Variants in NEBL observed in about 807,000 individuals in gnomAD.
NEBL encodes nebulette, also known as LIM and SH3 protein 2.
A neutral mutation model predicts 140.2 loss-of-function variants in NEBL; 122 were observed. The ratio of observed to expected loss-of-function variants is 0.87; its 90% CI spans 0.75 to 1.01. The LOEUF (loss-of-function observed/expected upper bound fraction) is 1.01, where lower values mean the gene tolerates loss of function less well. NEBL is among the 50% of genes least tolerant of loss of function. The pLI is 0.00. For synonymous variants in NEBL, 436 were observed against 398.9 expected, an observed-to-expected ratio of 1.09 and a Z score of -1.11; for missense variants, 1,365 against 1,231.3, an observed-to-expected ratio of 1.11 and a Z score of -1.62.
At chr10:20,950,187 T>C (rs937909221) in intron 4 of NEBL, among the ~76,000 whole-genome samples, 7 of 152,234 alleles carry the variant, frequency 4.6e-5, no homozygotes, top group Non-Finnish European at 7.3e-5. Context: ...TCATCTGTGC[T>C]TTATTCCTCA....
intron 2 of NEBL, chr10:21,030,796 T>C (rs1328420590): frequency 1.1e-5 from 4 of 373,498 alleles, no homozygotes; most frequent in Non-Finnish European, 2.1e-5. Flanking sequence ...TGAGCCAATA[T>C]GTGAAATACG....
intron 2 of NEBL, among the ~76,000 whole-genome samples, chr10:21,144,116 G>A (rs1280959779): frequency 6.6e-6 from 1 of 152,230 alleles, no homozygotes; most frequent in African/African-American, 2.4e-5. Flanking sequence ...TGTGCCCTTG[G>A]AGGGCAGAAA....
chr10:21,286,704 G>A (rs1301516508), intron 1 of NEBL, among the ~76,000 whole-genome samples: 1 of 152,112 alleles, frequency 6.6e-6, no homozygotes, highest in Non-Finnish European at 1.5e-5. Flanking sequence ...CGTGGTGGTG[G>A]GCACCTGTAG....
chr10:20,813,990 T>TA lies in NEBL; in HGVS notation c.2294dup (p.Leu765PhefsTer10). 6.2e-7 allele frequency: 1 copy of TA among 1,611,664 alleles called. No individual in the cohort carries two copies. The highest frequency in any genetic ancestry group is 8.5e-7 in the Non-Finnish European group (1 of 1,177,778). On this transcript the variant is annotated frameshift_variant, in exon 23 of 28. Transcript: ENST00000377122. LOFTEE classifies it high-confidence loss of function. ...TAACATGTCTCATAGCAGGTGTATC[T>TA]AAAATCAGACTTGGTCTACCTTTCA... is the stretch of plus-strand genomic sequence containing the variant.
At chr10:21,153,065 A>G (rs536779718) in intron 2 of NEBL, among the ~76,000 whole-genome samples, 5 of 152,346 alleles carry the variant, frequency 3.3e-5, no homozygotes, top group Admixed American at 1.3e-4. Context: ...CGAGCCTTCT[A>G]GCTCACAAAT....
exon 1 of NEBL, chr10:21,174,180 C>A: frequency 2.7e-6 from 1 of 373,800 alleles, no homozygotes; most frequent in South Asian, 1.0e-4. Context: ...CCGCCGCCGC[C>A]GCGCAGGCCA....
At chr10:20,830,639 T>G (rs1840307748) in intron 16 of NEBL, among the ~76,000 whole-genome samples, 1 of 151,988 alleles carries the variant, frequency 6.6e-6, no homozygotes, top group South Asian at 2.1e-4. Context: ...ATTTTAATAT[T>G]AATATTCATT....
At chr10:20,801,246 T>G (rs1269341680) in intron 26 of NEBL, among the ~76,000 whole-genome samples, 2 of 152,040 alleles carry the variant, frequency 1.3e-5, no homozygotes, top group Non-Finnish European at 2.9e-5. Context: ...AGGGTCTTAC[T>G]CTGTCACCCA....
At chr10:20,801,326 C>T (rs531789480) in intron 26 of NEBL, among the ~76,000 whole-genome samples, 41 of 152,130 alleles carry the variant, frequency 2.7e-4, no homozygotes, top group Admixed American at 9.8e-4. Context: ...GATTCTCATG[C>T]CTCAGCCTCC....
intron 4 of NEBL, among the ~76,000 whole-genome samples, chr10:20,940,620 C>A (rs1246523302): frequency 3.5e-5 from 5 of 141,404 alleles, no homozygotes; most frequent in Non-Finnish European, 6.1e-5. Flanking sequence ...ACACAAAAAA[C>A]CCTTCAAAAA....
intron 4 of NEBL, among the ~76,000 whole-genome samples, chr10:20,956,548 A>G (rs1835813430): frequency 6.6e-6 from 1 of 152,164 alleles, no homozygotes; most frequent in Non-Finnish European, 1.5e-5. Context: ...CACTGACCTC[A>G]TAACTAATCG....
chr10:20,823,285 C>G lies in NEBL; in HGVS notation c.1885G>C (p.Glu629Gln). The G allele has an allele frequency of 1.2e-6, 2 of 1,606,512 alleles. No homozygotes were observed. The highest frequency in any genetic ancestry group is 1.7e-6 in the Non-Finnish European group (2 of 1,175,968). ...QNISSVKYKEEIKHATAISDP... is the reference protein window; with the variant it reads ...QNISSVKYKEQIKHATAISDP... The stretch of plus-strand genomic sequence containing the variant: ...GAAATGGCTGTTGCATGTTTAATCT[C>G]TTCTTTGTATTTCACCTGCATAATT... Residue 629 changes from glutamate to glutamine, a missense_variant, in exon 19 of 28, where the codon GAG (glutamate) becomes CAG (glutamine). Glu to Gln is a conservative substitution (Grantham distance 29). This residue lies in a region of NEBL where 1,323 missense variants were observed against 1,154.8 expected (regional missense o/e 1.15). Coordinates refer to ENST00000377122, the MANE Select transcript of NEBL (RefSeq NM_006393.3).
chr10:20,905,233 A>G (rs1163553267), intron 4 of NEBL, among the ~76,000 whole-genome samples: 1 of 152,188 alleles, frequency 6.6e-6, no homozygotes, highest in Admixed American at 6.5e-5. Flanking sequence ...GGAATAGGAG[A>G]TTTATATAAG....
rs1256851317 is a variant in NEBL at position 20,823,228 on chromosome 10, T to G, written c.1942A>C (p.Asn648His). 2 of 1,607,984 alleles carry G rather than the reference T, an allele frequency of 1.2e-6. No homozygotes were observed. Among genetic ancestry groups the G allele is most frequent in the Non-Finnish European group, 1.7e-6 (2 of 1,177,216 alleles). Residue 648 changes from asparagine (N) to histidine (H), a missense_variant, in exon 19 of 28, where the codon AAC becomes CAC. Asn to His is a moderately conservative substitution (Grantham distance 68). Coordinates refer to ENST00000377122, the MANE Select transcript of NEBL (RefSeq NM_006393.3). ...DPPELKRVKE[N>H]QKNISNLQYK... ...ATCACATTGCTGATGTTCTTCTGGT[T>G]TTCTTTAACTCTCTTTAGTTCTGGA...
intron 4 of NEBL, among the ~76,000 whole-genome samples, chr10:20,887,492 C>T (rs111764557): frequency 0.016 from 2,147 of 135,556 alleles, 37 homozygotes; most frequent in African/African-American, 0.059. Flanking sequence ...GATCTTGGTT[C>T]GCTGCAGCCT....
intron 4 of NEBL, among the ~76,000 whole-genome samples, chr10:20,926,978 T>G (rs185771267): frequency 1.3e-5 from 2 of 152,102 alleles, no homozygotes; most frequent in Non-Finnish European, 2.9e-5. Flanking sequence ...GGAAAAATCA[T>G]TGAACAATCA....
chr10:20,823,025 A>G (rs1839499385), intron 19 of NEBL, among the ~76,000 whole-genome samples, 183 bp downstream of exon 19: 1 of 152,204 alleles, frequency 6.6e-6, no homozygotes, highest in Non-Finnish European at 1.5e-5. Flanking sequence ...TGCTGACACA[A>G]GGCATTAGGC....
intron 2 of NEBL, among the ~76,000 whole-genome samples, chr10:21,041,932 T>C (rs888340232): frequency 3.9e-5 from 6 of 152,248 alleles, no homozygotes; most frequent in African/African-American, 1.4e-4. Context: ...AGCATTCTAA[T>C]GCATTATAAT....
intron 2 of NEBL, among the ~76,000 whole-genome samples, chr10:21,112,138 G>C (rs1408656915): frequency 6.6e-6 from 1 of 152,226 alleles, no homozygotes; most frequent in African/African-American, 2.4e-5. Flanking sequence ...TTACATGGTT[G>C]GTGGGAGTGT....
Sources: allele counts gnomAD v4.1 joint callset (sites outside exome capture counted in the v4.1 genomes callset), GRCh38; gene constraint gnomAD v4.1.1; regional missense constraint gnomAD v4.1.1; transcripts MANE v1.5; gene names NCBI Gene and HGNC (gene_info 2026-07-23, HGNC 2026-07-21).